Variants in NRXN3 observed in about 807,000 individuals in gnomAD.
NRXN3 encodes neurexin III.
A neutral mutation model predicts 137.6 loss-of-function variants in NRXN3; 32 were observed. That is an observed-to-expected ratio of 0.23 (90% CI 0.18 to 0.31). The LOEUF (loss-of-function observed/expected upper bound fraction) is 0.31. Ranked by LOEUF, NRXN3 falls within the 10% of genes least tolerant of loss-of-function variation. NRXN3 has a pLI of 1.00. For missense variants in NRXN3, 1,574 were observed against 2,062.5 expected (o/e 0.76, Z 4.59); for synonymous variants, 798 against 784.5 (o/e 1.02, Z -0.29).
intron 4 of NRXN3, among the ~76,000 whole-genome samples, chr14:78,391,126 G>A (rs1235565383): frequency 6.6e-6 from 1 of 152,088 alleles, no homozygotes; most frequent in Non-Finnish European, 1.5e-5. Flanking sequence ...TCCTTTTTAT[G>A]GCTGCATAGT....
chr14:79,280,240 C>T (rs911545944), intron 15 of NRXN3: 5 of 1,606,168 alleles, frequency 3.1e-6, no homozygotes, highest in Admixed American at 1.7e-5. Context: ...TTCATTACTC[C>T]TCACTGGCTG....
At chr14:79,664,020 C>A in intron 17 of NRXN3, 71 bp downstream of exon 17, 2 of 1,490,826 alleles carry the variant, frequency 1.3e-6, no homozygotes, top group South Asian at 1.2e-5. Context: ...GGTGATTTTT[C>A]TCATGACTGT....
Position 79,575,127 on chromosome 14 carries a change from G to A in NRXN3, c.3445-88651G>A, listed in dbSNP as rs375691310. On this transcript the variant is annotated intron_variant, in intron 16 of 20. Coordinates refer to ENST00000335750, the MANE Select transcript of NRXN3 (RefSeq NM_001330195.2). ...TTTGTATGCAATCCGTCTGATAAGG[G>A]AAGTATATTTCTCACTGGAATTAGT... Among the ~76,000 whole-genome samples, 11 of 152,262 alleles carry A rather than the reference G, an allele frequency of 7.2e-5. No individual in the cohort carries two copies. In the East Asian group the frequency reaches 9.7e-4, roughly 13 times the overall value.
At chr14:79,591,421 G>T (rs1007649742) in intron 16 of NRXN3, among the ~76,000 whole-genome samples, 1 of 152,138 alleles carries the variant, frequency 6.6e-6, no homozygotes, top group African/African-American at 2.4e-5. Flanking sequence ...CGTACAAAGA[G>T]TTATTTTCTA....
intron 15 of NRXN3, among the ~76,000 whole-genome samples, chr14:79,184,283 AAGAC>A: frequency 6.6e-6 from 1 of 152,238 alleles, no homozygotes; most frequent in East Asian, 1.9e-4. Context: ...TGTAATAAAA[AAGAC>A]AAGGAAAGGA....
At chr14:79,767,733 G>A (rs908304944) in intron 19 of NRXN3, among the ~76,000 whole-genome samples, 1 of 152,206 alleles carries the variant, frequency 6.6e-6, no homozygotes, top group African/African-American at 2.4e-5. Context: ...CAGCTGATAG[G>A]TGATGAAGTT....
intron 15 of NRXN3, among the ~76,000 whole-genome samples, chr14:79,224,493 T>C (rs527943391): frequency 6.6e-6 from 1 of 152,290 alleles, no homozygotes; most frequent in South Asian, 2.1e-4. Context: ...CAGGGAAGCA[T>C]TGACTGGCCA....
intron 15 of NRXN3, among the ~76,000 whole-genome samples, chr14:79,034,864 G>A (rs1445470716): frequency 6.6e-6 from 1 of 152,132 alleles, no homozygotes; most frequent in African/African-American, 2.4e-5. Context: ...AGAGTTAAAT[G>A]TTAGGAATCA....
chr14:78,209,916 A>G (rs2062579950), intron 1 of NRXN3, among the ~76,000 whole-genome samples: 1 of 152,116 alleles, frequency 6.6e-6, no homozygotes, highest in African/African-American at 2.4e-5. Flanking sequence ...ACTATTTGTT[A>G]TATTTATGTG....
At chr14:79,076,301 C>T (rs940862569) in intron 15 of NRXN3, among the ~76,000 whole-genome samples, 69 of 152,114 alleles carry the variant, frequency 4.5e-4, no homozygotes, top group African/African-American at 1.5e-3. Context: ...CGTAGCAGCT[C>T]AAAAATCAAC....
At chr14:78,721,330 T>G (rs1388570092) in intron 8 of NRXN3, among the ~76,000 whole-genome samples, 1 of 152,150 alleles carries the variant, frequency 6.6e-6, no homozygotes, top group Admixed American at 6.5e-5. Context: ...TCCAGATCCT[T>G]TATTTAAATG....
intron 17 of NRXN3, among the ~76,000 whole-genome samples, chr14:79,671,484 G>A (rs2098607530): frequency 6.6e-6 from 1 of 152,116 alleles, no homozygotes; most frequent in South Asian, 2.1e-4. Flanking sequence ...TATCATCGGT[G>A]TGGCCTCTGG....
At chr14:78,967,181 AT>A in intron 12 of NRXN3, 26 bp from the exon 13 acceptor site, 1 of 1,475,122 alleles carries the variant, frequency 6.8e-7, no homozygotes, top group Non-Finnish European at 9.2e-7. Flanking sequence ...TTTTCCAATT[AT>A]TGTTTTTTTT....
chr14:79,721,704 C>A (rs896294242), intron 19 of NRXN3, among the ~76,000 whole-genome samples: 3 of 152,128 alleles, frequency 2.0e-5, no homozygotes, highest in African/African-American at 7.2e-5. Context: ...CAAGGGATTA[C>A]TTAGGTAATT....
intron 19 of NRXN3, among the ~76,000 whole-genome samples, chr14:79,786,751 G>C (rs2099130624): frequency 6.6e-6 from 1 of 152,176 alleles, no homozygotes; most frequent in African/African-American, 2.4e-5. Context: ...ATGTAAGAAA[G>C]AACAGTCTAG....
chr14:78,739,282 A>G (rs1450998368), intron 8 of NRXN3, among the ~76,000 whole-genome samples: 1 of 152,262 alleles, frequency 6.6e-6, no homozygotes. Context: ...GCTATGGAAT[A>G]TAGTCCATAT....
rs553437802 is a variant in NRXN3, at chr14:79,442,578, C to T, written c.3263-24643C>T. On this transcript the variant is annotated intron_variant, in intron 15 of 20. Transcript: ENST00000335750. The stretch of plus-strand genomic sequence containing the variant: ...AGCAGGGACAGGACATGGTTGGCAA[C>T]TGGGAAAGACACTCAGCAAATATTA... Among the ~76,000 whole-genome samples the T allele has an allele frequency of 1.1e-4, 17 of 152,236 alleles. No individual in the cohort carries two copies. The South Asian group carries it at 3.5e-3, about 32-fold the overall frequency.
chr14:78,388,709 A>G (rs1344732089), intron 4 of NRXN3, among the ~76,000 whole-genome samples: 1 of 152,198 alleles, frequency 6.6e-6, no homozygotes, highest in Admixed American at 6.5e-5. Context: ...CTGACCCTGA[A>G]ATAGAACACT....
intron 10 of NRXN3, among the ~76,000 whole-genome samples, chr14:78,844,462 T>C (rs1224168812): frequency 6.6e-6 from 1 of 152,132 alleles, no homozygotes; most frequent in Non-Finnish European, 1.5e-5. Context: ...AAGTTCTTGT[T>C]CTTTGACTGC....
Sources: gnomAD v4.1 joint callset for allele counts (sites outside exome capture counted in the v4.1 genomes callset) on GRCh38, gnomAD v4.1.1 for gene constraint, MANE v1.5 for transcripts, NCBI Gene and HGNC (gene_info 2026-07-23, HGNC 2026-07-21) for gene names.